MPDZ: variants seen among roughly 807,000 people sequenced by gnomAD.
MPDZ encodes the protein multiple PDZ domain protein.
Under a neutral mutation model 239.1 loss-of-function variants are expected in MPDZ, and 234 were observed. That is an observed-to-expected ratio of 0.98 (90% CI 0.88 to 1.09). The LOEUF is 1.09. Ranked by LOEUF, MPDZ falls within the 50% of genes least tolerant of loss-of-function variation. The pLI is 0.00. For missense variants in MPDZ, 3,175 were observed against 2,510.0 expected (o/e 1.26, Z -5.66); for synonymous variants, 1,048 against 881.3 (o/e 1.19, Z -3.35).
In MPDZ at chr9:13,216,820, G is replaced by A. The variant is rs777957785; in HGVS notation, c.1244C>T (p.Ala415Val). 2.5e-6 allele frequency: 4 copies of A among 1,609,946 alleles called. No individual in the cohort carries two copies. The highest frequency in any genetic ancestry group is 3.4e-6 in the Non-Finnish European group (4 of 1,177,900). The change falls in exon 10 of 47, where the codon GCC (alanine) becomes GTC (valine). Residue 415 changes from alanine (A) to valine (V), a missense_variant. Ala to Val is a moderately conservative substitution (Grantham distance 64). Coordinates refer to ENST00000319217, the MANE Select transcript of MPDZ (RefSeq NM_001378778.1). ...IFVKSITKSS[A>V]VEHDGRIQIG... ...TTGGATTCTTCCATCATGCTCAACGGCACTGCTTTTTGTAATGCTCTTTAC... is the reference window on the plus strand; with the variant it reads ...TTGGATTCTTCCATCATGCTCAACGACACTGCTTTTTGTAATGCTCTTTAC...
rs1254521120 is a variant in MPDZ, at chr9:13,140,085, G to T, written c.3905C>A (p.Pro1302His). Residue 1302 changes from proline to histidine, a missense_variant, in exon 28 of 47, where the codon CCT (proline) becomes CAT (histidine). Coordinates refer to ENST00000319217, the MANE Select transcript of MPDZ (RefSeq NM_001378778.1). ...APLCSVPPPP[P>H]SAFAEMGSDH... ...ACTACCCATTTCGGCAAAGGCTGAA[G>T]GAGGGGGTGGGGGCACACTGCACAA... 3 of 1,613,402 alleles carry T rather than the reference G, an allele frequency of 1.9e-6. No individual in the cohort carries two copies. Among genetic ancestry groups the T allele is most frequent in the African/African-American group, 2.7e-5 (2 of 74,816 alleles).
chr9:13,231,329 G>A (rs1337259069), intron 3 of MPDZ, among the ~76,000 whole-genome samples: 1 of 152,130 alleles, frequency 6.6e-6, no homozygotes, highest in Non-Finnish European at 1.5e-5. Flanking sequence ...ACTTTGGGAG[G>A]CCGAGGTGGG....
intron 21 of MPDZ, among the ~76,000 whole-genome samples, chr9:13,172,931 A>G (rs535421364): frequency 2.2e-4 from 33 of 152,368 alleles, no homozygotes; most frequent in Non-Finnish European, 3.8e-4. Context: ...TATAGTGTAT[A>G]CATACAATGG....
intron 44 of MPDZ, 55 bp downstream of exon 44, chr9:13,110,581 T>C (rs1942282652): frequency 8.2e-7 from 1 of 1,213,230 alleles, no homozygotes; most frequent in Non-Finnish European, 1.2e-6. Context: ...ACATCAAAGC[T>C]CATGTGTCTT....
chr9:13,229,601 CA>C (rs1390624467), intron 3 of MPDZ, among the ~76,000 whole-genome samples: 5 of 148,410 alleles, frequency 3.4e-5, no homozygotes, highest in Non-Finnish European at 7.4e-5. Flanking sequence ...CACACACACA[CA>C]CACCCCCATC....
intron 12 of MPDZ, among the ~76,000 whole-genome samples, chr9:13,201,467 G>T (rs1269894200): frequency 1.3e-5 from 2 of 151,888 alleles, no homozygotes; most frequent in African/African-American, 2.4e-5. Flanking sequence ...TCTTTCTCCA[G>T]ATTTGAGAAA....
At chr9:13,113,847 A>C in intron 41 of MPDZ, 84 bp downstream of exon 41, 1 of 1,048,584 alleles carries the variant, frequency 9.5e-7, no homozygotes, top group Non-Finnish European at 1.4e-6. Context: ...TTGGGGGAAA[A>C]GAAAGCTCAG....
chr9:13,160,794 A>G (rs1950362742), intron 23 of MPDZ, among the ~76,000 whole-genome samples: 1 of 135,766 alleles, frequency 7.4e-6, no homozygotes, highest in Admixed American at 8.0e-5. Flanking sequence ...TCTGCAAAAT[A>G]CATGTGCAGA....
intron 22 of MPDZ, 139 bp downstream of exon 22, chr9:13,168,227 G>A: frequency 1.3e-6 from 1 of 773,146 alleles, no homozygotes; most frequent in Non-Finnish European, 2.1e-6. Context: ...CTCAAAAATA[G>A]TCAATTTCTT....
intron 3 of MPDZ, among the ~76,000 whole-genome samples, chr9:13,228,509 A>C (rs181839112): frequency 6.9e-4 from 105 of 152,236 alleles, no homozygotes; most frequent in African/African-American, 2.3e-3. Context: ...CAAAGAAAAA[A>C]TATGTACCTT....
chr9:13,256,123 T>C (rs1969365135), intron 1 of MPDZ, among the ~76,000 whole-genome samples: 1 of 152,202 alleles, frequency 6.6e-6, no homozygotes, highest in Admixed American at 6.5e-5. Context: ...ATGGCTTCTT[T>C]CATTAAACCT....
chr9:13,114,726 C>G (rs1387960352), intron 40 of MPDZ, among the ~76,000 whole-genome samples: 1 of 151,852 alleles, frequency 6.6e-6, no homozygotes, highest in Non-Finnish European at 1.5e-5. Flanking sequence ...ATGGCGAAAC[C>G]CCATCTCTAA....
At chr9:13,279,244 C>CACCCCG (rs2139682515) in intron 1 of MPDZ, 156 bp downstream of exon 1, 1 of 127,468 alleles carries the variant, frequency 7.8e-6, no homozygotes, top group Admixed American at 7.2e-5. Context: ...GGCCCGCCGC[C>CACCCCG]ACCCCTACCC....
At position 13,192,292 on chromosome 9, in the gene MPDZ, T is replaced by C; in HGVS notation, c.1807A>G (p.Asn603Asp). 1 of 1,593,314 alleles carries C rather than the reference T, an allele frequency of 6.3e-7. No individual in the cohort carries two copies. Among genetic ancestry groups the C allele is most frequent in the South Asian group, 1.1e-5 (1 of 88,170 alleles). ...LFSGDELLEV[N>D]GITLLGENHQ... Reference sequence around the variant, plus strand: ...TTTTCCCCAAGTAAAGTTATGCCATTTACCTGTGAAAAAAGATACATTGTC... The same window carrying C: ...TTTTCCCCAAGTAAAGTTATGCCATCTACCTGTGAAAAAAGATACATTGTC... The change falls in exon 15 of 47, where the codon AAT (asparagine) becomes GAT (aspartate). Residue 603 changes from asparagine (N) to aspartate (D), a missense_variant. Coordinates refer to ENST00000319217, the MANE Select transcript of MPDZ (RefSeq NM_001378778.1).
chr9:13,122,225 A>G, intron 36 of MPDZ, 55 bp from the exon 37 acceptor site: 1 of 1,506,676 alleles, frequency 6.6e-7, no homozygotes, highest in Non-Finnish European at 9.2e-7. Flanking sequence ...AGGAATGGTG[A>G]GCAGAAATGG....
intron 38 of MPDZ, chr9:13,120,540 G>A (rs1944187469): frequency 6.6e-6 from 1 of 152,156 alleles, no homozygotes; most frequent in Admixed American, 6.5e-5. Flanking sequence ...ATGAGAACTA[G>A]ACTACTGATA....
intron 21 of MPDZ, among the ~76,000 whole-genome samples, chr9:13,168,941 C>T (rs944989049): frequency 2.0e-5 from 3 of 152,114 alleles, no homozygotes; most frequent in African/African-American, 7.2e-5. Context: ...AAAAGGACTA[C>T]AAAAGGAAAA....
chr9:13,121,409 G>A (rs546329305), intron 38 of MPDZ, among the ~76,000 whole-genome samples: 293 of 152,204 alleles, frequency 1.9e-3, no homozygotes, highest in Non-Finnish European at 2.3e-3. Flanking sequence ...TATTTAATTC[G>A]ACGTTCACCA....
At chr9:13,212,323 T>C (rs1443878653) in intron 10 of MPDZ, among the ~76,000 whole-genome samples, 1 of 152,100 alleles carries the variant, frequency 6.6e-6, no homozygotes, top group African/African-American at 2.4e-5. Context: ...TCTGTTCAAA[T>C]GTCTTAGTTA....
Sources: gnomAD v4.1 joint callset for allele counts (sites outside exome capture counted in the v4.1 genomes callset) on GRCh38, gnomAD v4.1.1 for gene constraint, MANE v1.5 for transcripts, NCBI Gene and HGNC (gene_info 2026-07-23, HGNC 2026-07-21) for gene names.